The following RANBP17 variants were observed in gnomAD, a reference collection of about 807,000 sequenced individuals.
The protein encoded by RANBP17 is RAN binding protein 17.
A neutral mutation model predicts 141.2 loss-of-function variants in RANBP17; 158 were observed. That is an observed-to-expected ratio of 1.12 (90% confidence interval 0.98 to 1.28). The LOEUF (loss-of-function observed/expected upper bound fraction) is 1.28, where lower values mean the gene tolerates loss of function less well. RANBP17 is among the 50% of genes most tolerant of loss of function. The probability of loss-of-function intolerance (pLI) is 0.00; values close to 1 mark genes in which losing one functional copy is unlikely to be tolerated. For synonymous variants in RANBP17, 430 were observed against 450.0 expected (o/e 0.96, Z 0.56); for missense variants, 1,438 against 1,290.7 (o/e 1.11, Z -1.75).
intron 13 of RANBP17, among the ~76,000 whole-genome samples, chr5:170,959,053 G>C (rs538162038): frequency 6.6e-6 from 1 of 152,142 alleles, no homozygotes; most frequent in African/African-American, 2.4e-5. Flanking sequence ...CATGCTTAGC[G>C]TTCCAATAAT....
intron 1 of RANBP17, chr5:170,863,714 A>G (rs1767008178): frequency 6.6e-6 from 1 of 152,214 alleles, no homozygotes; most frequent in Admixed American, 6.5e-5. Flanking sequence ...ATTTTTTCAT[A>G]CATGGAAAGG....
intron 14 of RANBP17, among the ~76,000 whole-genome samples, chr5:171,146,193 C>T (rs1447777440): frequency 3.3e-5 from 5 of 151,992 alleles, no homozygotes; most frequent in Non-Finnish European, 5.9e-5. Context: ...ATCTTCTATG[C>T]GTATAAGAGT....
chr5:170,922,056 T>G (rs1419565227), intron 11 of RANBP17, among the ~76,000 whole-genome samples: 1 of 152,010 alleles, frequency 6.6e-6, no homozygotes, highest in East Asian at 1.9e-4. Context: ...TATTCCTTTC[T>G]GTTTGTTAGT....
At chr5:171,094,460 C>T (rs150016580) in intron 14 of RANBP17, among the ~76,000 whole-genome samples, 154 of 152,256 alleles carry the variant, frequency 1.0e-3, no homozygotes, top group African/African-American at 3.5e-3. Context: ...TAATTTTTCT[C>T]ATTATTATCA....
chr5:171,141,621 C>CATTAAAAA (rs1757706482), intron 14 of RANBP17, among the ~76,000 whole-genome samples: 1 of 55,312 alleles, frequency 1.8e-5, no homozygotes, highest in Non-Finnish European at 3.0e-5. Flanking sequence ...GACTCCATCT[C>CATTAAAAA]AAAAAAAAAA....
chr5:171,105,115 G>A (rs1437264946), intron 14 of RANBP17, among the ~76,000 whole-genome samples: 1 of 151,904 alleles, frequency 6.6e-6, no homozygotes, highest in East Asian at 1.9e-4. Context: ...GGGCGCGGTG[G>A]CTCACGCCTG....
At chr5:171,292,506 A>G (rs1251468747) in intron 25 of RANBP17, among the ~76,000 whole-genome samples, 1 of 152,140 alleles carries the variant, frequency 6.6e-6, no homozygotes, top group Non-Finnish European at 1.5e-5. Flanking sequence ...GATAAATTGG[A>G]TTTCAAAAAA....
chr5:171,071,915 C>CT (rs1268570173), intron 14 of RANBP17, among the ~76,000 whole-genome samples: 6 of 151,978 alleles, frequency 3.9e-5, no homozygotes, highest in Non-Finnish European at 8.8e-5. Context: ...AACTTTCACT[C>CT]TAAGAAAGGC....
In RANBP17 at chr5:171,200,717, CAGTA is replaced by C. The variant is rs763576820; in HGVS notation, c.2142+947_2142+950del. On this transcript the variant is annotated intron_variant, in intron 19 of 27. Transcript: ENST00000523189. Reference sequence around the variant, plus strand: ...AAGAAAACAAAAACAAAAAAACTAACAGTAAGAAGCCAAATAGAAAAATGACACC... The same window carrying C: ...AAGAAAACAAAAACAAAAAAACTAACAGAAGCCAAATAGAAAAATGACACC... Among the ~76,000 whole-genome samples, 343 of 152,148 alleles carry C rather than the reference CAGTA, an allele frequency of 2.3e-3. 1 individual carries two copies. The highest frequency in any genetic ancestry group is 7.9e-3 in the African/African-American group (330 of 41,532).
intron 14 of RANBP17, among the ~76,000 whole-genome samples, chr5:171,164,600 G>A (rs908204154): frequency 1.1e-4 from 17 of 152,154 alleles, no homozygotes; most frequent in Non-Finnish European, 1.5e-5. Flanking sequence ...AACCTTTGCA[G>A]TAAAATAAAT....
At chr5:171,036,146 G>T (rs1781869008) in intron 14 of RANBP17, among the ~76,000 whole-genome samples, 1 of 152,102 alleles carries the variant, frequency 6.6e-6, no homozygotes, top group African/African-American at 2.4e-5. Context: ...AAGTGGTCCA[G>T]CCACCTTGGC....
intron 14 of RANBP17, among the ~76,000 whole-genome samples, chr5:171,012,860 T>C (rs917950704): frequency 1.3e-5 from 2 of 152,198 alleles, no homozygotes; most frequent in African/African-American, 4.8e-5. Flanking sequence ...TGCTTGCAGA[T>C]ACGATCAAAT....
chr5:171,091,992 G>T (rs913998289), intron 14 of RANBP17, among the ~76,000 whole-genome samples: 2 of 152,160 alleles, frequency 1.3e-5, no homozygotes, highest in East Asian at 3.8e-4. Context: ...ACGGATTTTG[G>T]TATATGTGAG....
chr5:171,210,719 C>T (rs1762828609), intron 20 of RANBP17, among the ~76,000 whole-genome samples: 1 of 152,106 alleles, frequency 6.6e-6, no homozygotes, highest in South Asian at 2.1e-4. Flanking sequence ...AAAGCTATAT[C>T]TTCCTGGCCG....
chr5:171,099,095 G>T (rs951718119), intron 14 of RANBP17, among the ~76,000 whole-genome samples: 10 of 152,052 alleles, frequency 6.6e-5, no homozygotes, highest in African/African-American at 4.8e-5. Context: ...TGGCTATACG[G>T]GCTCTTTTTT....
chr5:170,906,656 T>A (rs1771097425), intron 5 of RANBP17, among the ~76,000 whole-genome samples: 1 of 152,024 alleles, frequency 6.6e-6, no homozygotes, highest in Admixed American at 6.6e-5. Flanking sequence ...TTTTGATTTG[T>A]TAATTTATAT....
intron 25 of RANBP17, among the ~76,000 whole-genome samples, chr5:171,277,533 G>A (rs72829422): frequency 0.13 from 19,457 of 146,440 alleles, 1,467 homozygotes; most frequent in East Asian, 0.21. Flanking sequence ...CCTCAGGCTC[G>A]AACAGAGAAT....
intron 14 of RANBP17, among the ~76,000 whole-genome samples, chr5:171,055,194 C>T (rs918460916): frequency 6.6e-6 from 1 of 152,140 alleles, no homozygotes; most frequent in African/African-American, 2.4e-5. Context: ...TCCTGTTTGT[C>T]CAGAATTAGA....
intron 14 of RANBP17, among the ~76,000 whole-genome samples, chr5:171,161,218 C>A (rs1471471254): frequency 6.6e-6 from 1 of 152,184 alleles, no homozygotes; most frequent in Non-Finnish European, 1.5e-5. Flanking sequence ...ATAACCACAT[C>A]CAGAATTTGA....
Sources: allele counts gnomAD v4.1 joint callset (sites outside exome capture counted in the v4.1 genomes callset), GRCh38; gene constraint gnomAD v4.1.1; transcripts MANE v1.5; gene names NCBI Gene and HGNC (gene_info 2026-07-23, HGNC 2026-07-21).